ELN: variants seen among roughly 807,000 people sequenced by gnomAD.
ELN encodes tropoelastin.
In ELN, 65 loss-of-function variants were observed where a neutral mutation model predicts 105.8. The observed-to-expected ratio is 0.61, with a 90% confidence interval of 0.50 to 0.75. The LOEUF is 0.75. ELN is among the 30% of genes least tolerant of loss of function. ELN has a pLI of 0.00. For missense variants in ELN, 882 were observed against 969.4 expected, an observed-to-expected ratio of 0.91 and a Z score of 1.20; for synonymous variants, 368 against 389.2, an observed-to-expected ratio of 0.95 and a Z score of 0.64.
chr7:74,059,995 TGTGGCTCCTGGCGTTGGC>T lies in ELN; in HGVS notation c.1533_1550del (p.Val513_Gly518del). 6.2e-7 allele frequency: 1 copy of T among 1,613,194 alleles called. No homozygotes were observed. Among genetic ancestry groups the T allele is most frequent in the Non-Finnish European group, 8.5e-7 (1 of 1,179,720 alleles). ...GAGTTGGCGTGGCTCCTGGAGTTGGTGTGGCTCCTGGCGTTGGCGTGGCTCCCGGCATTGGCCCTGGTG... is the reference window on the plus strand; with the variant it reads ...GAGTTGGCGTGGCTCCTGGAGTTGGTGTGGCTCCCGGCATTGGCCCTGGTG... On this transcript the variant is annotated inframe_deletion, in exon 23 of 33. Coordinates refer to ENST00000252034, the MANE Select transcript of ELN (RefSeq NM_000501.4).
rs2286257 is a variant in ELN, at chr7:74,041,054, G to A, written c.197-162G>A. Among the ~76,000 whole-genome samples the A allele has an allele frequency of 0.11, 17,270 of 152,110 alleles. 1,357 individuals carry two copies. The highest frequency in any genetic ancestry group is 0.21 in the East Asian group (1,092 of 5,164). ...ATAGTAGTCGCTCACTAAACTACTG[G>A]TGGATGCTATTTTATCAGGATCGAC... On this transcript the variant is annotated intron_variant, in intron 4 of 32. Coordinates refer to ENST00000252034, the MANE Select transcript of ELN (RefSeq NM_000501.4).
At chr7:74,031,222 A>T (rs1311849421) in intron 1 of ELN, among the ~76,000 whole-genome samples, 1 of 152,264 alleles carries the variant, frequency 6.6e-6, no homozygotes, top group East Asian at 1.9e-4. Context: ...TCTTCAGCTC[A>T]CTGGTTCTCC....
At chr7:74,046,817 T>C (rs782758631) in intron 12 of ELN, 50 bp downstream of exon 12, 2 of 1,589,772 alleles carry the variant, frequency 1.3e-6, no homozygotes, top group South Asian at 1.1e-5. Flanking sequence ...GGTGTGGTGG[T>C]TCACACCTGT....
At chr7:74,036,499 G>T (rs918481086) in intron 2 of ELN, 56 bp from the exon 3 acceptor site, 16 of 1,610,756 alleles carry the variant, frequency 9.9e-6, no homozygotes, top group Non-Finnish European at 1.3e-5. Flanking sequence ...GGGTGGCAGC[G>T]GGCTTGCCTG....
At chr7:74,036,420 G>A (rs782399584) in intron 2 of ELN, 135 bp from the exon 3 acceptor site, 275 of 1,158,544 alleles carry the variant, frequency 2.4e-4, no homozygotes, top group Middle Eastern at 2.1e-4. Context: ...AGAGAAAACC[G>A]AGGCTTGCAG....
At chr7:74,053,050 C>G (rs782333797) in intron 17 of ELN, 113 bp from the exon 18 acceptor site, 81 of 1,499,382 alleles carry the variant, frequency 5.4e-5, no homozygotes, top group Non-Finnish European at 7.0e-5. Context: ...AAATGTCAAC[C>G]CACCTGCAAT....
intron 1 of ELN, among the ~76,000 whole-genome samples, chr7:74,030,103 G>A (rs999306426): frequency 3.3e-5 from 5 of 152,242 alleles, no homozygotes; most frequent in African/African-American, 9.6e-5. Context: ...TCTCAGCTCT[G>A]TCCCAGGTGG....
rs1797103495 is a variant in ELN at position 74,063,289 on chromosome 7, G to A, written c.1859-21G>A. On this transcript the variant is annotated intron_variant, in intron 27 of 32. Transcript: ENST00000252034. The surrounding 1 kb of genome is among the most constrained non-coding windows in gnomAD (Gnocchi z 4.1). ...TCTAACCAGTACAGAGTGCCTCCCT[G>A]AACTCGGTCTGTGTTCCCAGGAGCC... 2 of 1,566,936 alleles carry A rather than the reference G, an allele frequency of 1.3e-6. No individual in the cohort carries two copies. Among genetic ancestry groups the A allele is most frequent in the African/African-American group, 2.7e-5 (2 of 74,294 alleles).
At position 74,063,803 on chromosome 7, in the gene ELN, T is replaced by A. The variant is rs1554687045; in HGVS notation, c.1993+108T>A. 1 of 1,476,252 alleles carries A rather than the reference T, an allele frequency of 6.8e-7. No individual in the cohort carries two copies. The highest frequency in any genetic ancestry group is 9.4e-7 in the Non-Finnish European group (1 of 1,063,586). 91.4% of individuals were successfully genotyped at this position (1,476,252 alleles called of 1,614,324 possible). On this transcript the variant is annotated intron_variant, in intron 29 of 32. Coordinates refer to ENST00000252034, the MANE Select transcript of ELN (RefSeq NM_000501.4). This position sits in a 1 kb window ranked among gnomAD's most constrained non-coding sequence, Gnocchi z 4.1. ...TTCGTTCCCACCCCTGGCACGTCTT[T>A]GCTCAAGATGTCCTCTTGGCCAGGT...
chr7:74,060,432 C>A lies in ELN; in HGVS notation c.1678C>A (p.Pro560Thr). The A allele has an allele frequency of 6.2e-7, 1 of 1,613,724 alleles. No individual in the cohort carries two copies. The highest frequency in any genetic ancestry group is 8.5e-7 in the Non-Finnish European group (1 of 1,179,958). The part of the protein sequence containing the change: ...IPGLGVGVGV[P>T]GLGVGAGVPG... ...TGGACTTGGAGTTGGTGTCGGCGTC[C>A]CTGGACTTGGAGTTGGTGCTGGTGT... Residue 560 changes from proline (P) to threonine (T), a missense_variant, in exon 25 of 33, where the codon CCT becomes ACT. Transcript: ENST00000252034.
chr7:74,042,579 T>G (rs566198736), intron 5 of ELN, 35 bp from the exon 6 acceptor site: 34 of 1,599,442 alleles, frequency 2.1e-5, no homozygotes, highest in Non-Finnish European at 2.7e-5. Flanking sequence ...ATAGGTGTGG[T>G]AGCTCAGGAC....
chr7:74,032,331 T>C (rs980998966), intron 1 of ELN, among the ~76,000 whole-genome samples: 1 of 152,136 alleles, frequency 6.6e-6, no homozygotes, highest in East Asian at 1.9e-4. Flanking sequence ...GAGTCTGAGC[T>C]CAGCCCTGGT....
chr7:74,057,663 G>T lies in ELN; in HGVS notation c.1381G>T (p.Ala461Ser). ...KYGVGTPAAA[A>S]AKAAAKAAQF... ...AGGAGTGGGGACCCCAGCAGCTGCA[G>T]CTGCTAAAGCAGCCGCCAAAGCCGC... Residue 461 changes from alanine to serine, a missense_variant, in exon 22 of 33, where the codon GCT (alanine) becomes TCT (serine). Coordinates refer to ENST00000252034, the MANE Select transcript of ELN (RefSeq NM_000501.4). 6.2e-7 allele frequency: 1 copy of T among 1,613,790 alleles called. No individual in the cohort carries two copies. Among genetic ancestry groups the T allele is most frequent in the Non-Finnish European group, 8.5e-7 (1 of 1,180,004 alleles).
rs1192710845 is a variant in ELN at position 74,064,104 on chromosome 7, TA to T, written c.1993+421del. 3.5e-3 allele frequency among the ~76,000 whole-genome samples: 453 copies of T among 128,964 alleles called. 1 individual carries two copies. The highest frequency in any genetic ancestry group is 5.4e-3 in the South Asian group (22 of 4,080). 84.6% of individuals were successfully genotyped at this position (128,964 alleles called of 152,430 possible). A position where few individuals can be genotyped will look rare whatever the true frequency, so the allele number is the denominator to read the frequency against. ...GGCAGCAGAGTGAGACCCTGTCATC[TA>T]AAAAAAAAAAAGAAAGAAAGAAAAG... On this transcript the variant is annotated intron_variant, in intron 29 of 32. Coordinates refer to ENST00000252034, the MANE Select transcript of ELN (RefSeq NM_000501.4).
intron 12 of ELN, among the ~76,000 whole-genome samples, chr7:74,047,278 T>A (rs569780160): frequency 6.6e-6 from 1 of 152,064 alleles, no homozygotes; most frequent in Non-Finnish European, 1.5e-5. Flanking sequence ...CAGAGACCCA[T>A]AGTCCCGATC....
intron 22 of ELN, chr7:74,059,587 G>A (rs925510715): frequency 9.6e-6 from 5 of 519,588 alleles, no homozygotes; most frequent in African/African-American, 7.7e-5. Flanking sequence ...AGGAGGCTGA[G>A]GCAGGAGACT....
chr7:74,046,285 G>C, intron 11 of ELN, 68 bp downstream of exon 11: 1 of 1,607,976 alleles, frequency 6.2e-7, no homozygotes, highest in East Asian at 2.2e-5. Context: ...GGGAGGGGTT[G>C]GGCACCCAAG....
Position 74,056,383 on chromosome 7 carries a change from T to TAGTGTCGGA in ELN, c.1263_1264insAGTGTCGGA (p.Pro421_Gly422insSerValGly), listed in dbSNP as rs782062706. On this transcript the variant is annotated inframe_insertion, in exon 20 of 33. Transcript: ENST00000252034. ...GTATCCCTGGAGTCGCAGGTGTCCC[T>TAGTGTCGGA]GGTGTCGGAGGTGTTCCCGGAGTCG... The TAGTGTCGGA allele has an allele frequency of 6.2e-7, 1 of 1,613,614 alleles. No homozygotes were observed. Among genetic ancestry groups the TAGTGTCGGA allele is most frequent in the South Asian group, 1.1e-5 (1 of 91,068 alleles).
In ELN at chr7:74,051,747, C is replaced by T. The variant is rs397516433; in HGVS notation, c.800-3C>T. ...CTACATTGCACTGTCCCCATCTCAACAGGTGCTGGAGCAGCCGGAGTCCTC... is the reference window on the plus strand; with the variant it reads ...CTACATTGCACTGTCCCCATCTCAATAGGTGCTGGAGCAGCCGGAGTCCTC... On this transcript the variant is annotated splice_polypyrimidine_tract_variant and splice_region_variant and intron_variant, in intron 15 of 32. Coordinates refer to ENST00000252034, the MANE Select transcript of ELN (RefSeq NM_000501.4). The T allele has an allele frequency of 5.0e-6, 8 of 1,614,218 alleles. No homozygotes were observed. In the South Asian group the frequency reaches 6.6e-5, roughly 13 times the overall value.
Sources: gnomAD v4.1 joint callset for allele counts (sites outside exome capture counted in the v4.1 genomes callset) on GRCh38, gnomAD v4.1.1 for gene constraint, Gnocchi (gnomAD v3.1) non-coding constraint, MANE v1.5 for transcripts, NCBI Gene and HGNC (gene_info 2026-07-23, HGNC 2026-07-21) for gene names.